FBXW10B: variants seen among roughly 807,000 people sequenced by gnomAD.
FBXW10B encodes the protein F-box and WD repeat domain containing protein 10B.
the FBXW10B span, among the ~76,000 whole-genome samples, chr17:15,585,966 A>G: frequency 6.7e-6 from 1 of 149,456 alleles, no homozygotes; most frequent in Non-Finnish European, 1.5e-5. Flanking sequence ...TTTTGAAGAA[A>G]TGCCTCAGGA....
chr17:15,575,507 C>A, the FBXW10B span, among the ~76,000 whole-genome samples: 6 of 149,538 alleles, frequency 4.0e-5, no homozygotes, highest in Non-Finnish European at 8.8e-5. Context: ...GCCTGCTCAC[C>A]ACTTCACTAG....
the FBXW10B span, among the ~76,000 whole-genome samples, chr17:15,602,659 C>T: frequency 2.3e-5 from 2 of 85,848 alleles, no homozygotes; most frequent in Admixed American, 1.5e-4. Context: ...GACGGAGTCT[C>T]GCTGTCGCCC....
At chr17:15,582,944 G>A in the FBXW10B span, among the ~76,000 whole-genome samples, 38 of 146,676 alleles carry the variant, frequency 2.6e-4, no homozygotes, top group Non-Finnish European at 4.5e-5. Flanking sequence ...AAATTATGTG[G>A]TGGTGTGCCC....
chr17:15,615,921 T>C, the FBXW10B span: 1 of 1,467,244 alleles, frequency 6.8e-7, no homozygotes, highest in Non-Finnish European at 9.1e-7. Flanking sequence ...ATGTACAGAA[T>C]GGACCAGAGC....
chr17:15,579,675 T>TAA, the FBXW10B span, among the ~76,000 whole-genome samples: 1 of 152,382 alleles, frequency 6.6e-6, no homozygotes, highest in Non-Finnish European at 1.5e-5. Context: ...GCTCAAAATA[T>TAA]AAAGCTTTCT....
the FBXW10B span, chr17:15,588,686 T>C: frequency 1.2e-4 from 73 of 630,892 alleles, no homozygotes; most frequent in South Asian, 1.1e-3. Flanking sequence ...TTCTTTCTTA[T>C]TGTAAGTTTG....
chr17:15,581,044 T>C, the FBXW10B span, among the ~76,000 whole-genome samples: 1 of 152,248 alleles, frequency 6.6e-6, no homozygotes, highest in Non-Finnish European at 1.5e-5. Context: ...TGTCTTTTTA[T>C]TGAGCCTTTA....
At chr17:15,615,577 T>G in the FBXW10B span, 1 of 1,597,362 alleles carries the variant, frequency 6.3e-7, no homozygotes, top group South Asian at 1.1e-5. Flanking sequence ...CCTCCCAAAG[T>G]GCTGGGATTA....
the FBXW10B span, chr17:15,619,574 C>T: frequency 6.4e-7 from 1 of 1,565,334 alleles, no homozygotes; most frequent in Non-Finnish European, 8.6e-7. Flanking sequence ...CCACCAAACA[C>T]TAGAGGAACG....
the FBXW10B span, chr17:15,614,082 A>G: frequency 3.3e-6 from 5 of 1,529,686 alleles, no homozygotes; most frequent in Non-Finnish European, 4.5e-6. Context: ...CTCTGTAGAA[A>G]CTCCAGGCCG....
At chr17:15,597,228 A>G in the FBXW10B span, among the ~76,000 whole-genome samples, 1 of 149,758 alleles carries the variant, frequency 6.7e-6, no homozygotes, top group African/African-American at 2.5e-5. Flanking sequence ...GGTCACAGCT[A>G]GGGGTGGGTT....
chr17:15,579,285 T>C, the FBXW10B span, among the ~76,000 whole-genome samples: 2 of 152,228 alleles, frequency 1.3e-5, no homozygotes, highest in South Asian at 2.1e-4. Context: ...TAAAATTTAA[T>C]TTTCTTTTAA....
chr17:15,600,653 A>C, the FBXW10B span, among the ~76,000 whole-genome samples: 1 of 152,126 alleles, frequency 6.6e-6, no homozygotes, highest in African/African-American at 2.4e-5. Flanking sequence ...AACAAGATGA[A>C]GATGCCCACT....
the FBXW10B span, chr17:15,588,894 A>G: frequency 6.8e-3 from 10,935 of 1,611,078 alleles, 72 homozygotes; most frequent in South Asian, 0.016. Flanking sequence ...GTGCTGTTCC[A>G]GGAGTTGCCA....
chr17:15,597,494 G>A, the FBXW10B span, among the ~76,000 whole-genome samples: 3,415 of 151,060 alleles, frequency 0.023, 58 homozygotes, highest in Non-Finnish European at 0.03. Context: ...TTAGCTGGGC[G>A]TGGTGGCGTG....
chr17:15,597,066 AG>A, the FBXW10B span, among the ~76,000 whole-genome samples: 2 of 150,932 alleles, frequency 1.3e-5, no homozygotes, highest in African/African-American at 4.9e-5. Context: ...AAAAAAAAAA[AG>A]AAAATCTTGG....
chr17:15,615,945 T>C, the FBXW10B span: 1 of 1,364,616 alleles, frequency 7.3e-7, no homozygotes, highest in Non-Finnish European at 9.7e-7. Flanking sequence ...TATGTCTGTT[T>C]TTATTTGGGG....
At chr17:15,605,478 G>C in the FBXW10B span, 7 of 1,307,474 alleles carry the variant, frequency 5.4e-6, no homozygotes, top group Middle Eastern at 2.8e-4. Context: ...GTCCCTCCTG[G>C]GACTGACTTA....
At chr17:15,583,285 T>C in the FBXW10B span, among the ~76,000 whole-genome samples, 2 of 124,908 alleles carry the variant, frequency 1.6e-5, no homozygotes, top group African/African-American at 5.4e-5. Flanking sequence ...GCAACTCTCT[T>C]CTCCACCCTT....
Sources: allele counts gnomAD v4.1 joint callset (sites outside exome capture counted in the v4.1 genomes callset), GRCh38; gene constraint gnomAD v4.1.1; transcripts MANE v1.5; gene names NCBI Gene and HGNC (gene_info 2026-07-23, HGNC 2026-07-21).